The following ROBO2 variants were observed in gnomAD, a reference collection of about 807,000 sequenced individuals.
ROBO2 encodes the protein roundabout homolog 2.
Under a neutral mutation model 160.8 loss-of-function variants are expected in ROBO2, and 53 were observed. The observed-to-expected ratio is 0.33, with a 90% confidence interval of 0.26 to 0.41. The LOEUF (loss-of-function observed/expected upper bound fraction) is 0.41, where lower values mean the gene tolerates loss of function less well. Among genes scored for constraint, ROBO2 ranks in the 10% least tolerant of loss-of-function variants. The pLI is 1.00. For synonymous variants in ROBO2, 664 were observed against 611.7 expected (o/e 1.09, Z -1.26); for missense variants, 1,577 against 1,722.4 (o/e 0.92, Z 1.49).
chr3:77,529,209 T>C lies in ROBO2; in HGVS notation c.934+6307T>C, dbSNP rs1582733929. The stretch of plus-strand genomic sequence containing the variant: ...TATAGATTATATATAAAATAAAATA[T>C]ATGAAGTGGAAAGATTGAGAACGAT... On this transcript the variant is annotated intron_variant, in intron 6 of 25. Transcript: ENST00000461745. Among the ~76,000 whole-genome samples the C allele has an allele frequency of 2.6e-5, 4 of 151,226 alleles. No individual in the cohort carries two copies. The East Asian group carries it at 7.8e-4, about 29-fold the overall frequency.
intron 2 of ROBO2, among the ~76,000 whole-genome samples, chr3:77,104,593 C>CT (rs2072526827): frequency 6.6e-6 from 1 of 151,968 alleles, no homozygotes; most frequent in South Asian, 2.1e-4. Flanking sequence ...AAGTTTATGC[C>CT]TAAGAGTAGA....
chr3:75,914,821 TCTC>T (rs1424567085), intron 1 of ROBO2, among the ~76,000 whole-genome samples: 1 of 152,144 alleles, frequency 6.6e-6, no homozygotes. Context: ...GGAAGCCTCT[TCTC>T]CTCCAGCCAT....
intron 2 of ROBO2, among the ~76,000 whole-genome samples, chr3:76,312,767 A>G (rs1385088040): frequency 6.6e-6 from 1 of 152,172 alleles, no homozygotes; most frequent in African/African-American, 2.4e-5. Flanking sequence ...TAGCATGTCA[A>G]AGTTTAATTT....
chr3:77,243,817 T>C (rs1268045357), intron 2 of ROBO2, among the ~76,000 whole-genome samples: 1 of 152,206 alleles, frequency 6.6e-6, no homozygotes, highest in Non-Finnish European at 1.5e-5. Context: ...TTAAAAGCAC[T>C]TTAGATACTA....
At chr3:77,376,186 A>G (rs2072635350) in intron 2 of ROBO2, among the ~76,000 whole-genome samples, 1 of 118,976 alleles carries the variant, frequency 8.4e-6, no homozygotes, top group Non-Finnish European at 1.6e-5. Context: ...ACAGAGTCTC[A>G]TTCTGTCACC....
chr3:76,589,866 T>C (rs2086302302), intron 2 of ROBO2, among the ~76,000 whole-genome samples: 1 of 152,122 alleles, frequency 6.6e-6, no homozygotes, highest in Non-Finnish European at 1.5e-5. Context: ...ACAACCCACA[T>C]CTACAAGTTT....
intron 1 of ROBO2, among the ~76,000 whole-genome samples, chr3:77,050,211 C>A (rs893365797): frequency 1.3e-5 from 2 of 152,062 alleles, no homozygotes; most frequent in African/African-American, 4.8e-5. Context: ...TAATACGTTG[C>A]CAGATAACAG....
chr3:77,071,697 CTT>C (rs1180611179), intron 1 of ROBO2, among the ~76,000 whole-genome samples: 2 of 151,726 alleles, frequency 1.3e-5, no homozygotes, highest in African/African-American at 2.4e-5. Flanking sequence ...CCACTGCTGT[CTT>C]TGCTGTTCCA....
chr3:77,621,992 TC>T (rs1184035930), intron 22 of ROBO2, among the ~76,000 whole-genome samples: 2 of 152,150 alleles, frequency 1.3e-5, no homozygotes, highest in Non-Finnish European at 2.9e-5. Flanking sequence ...TTTTTTTTTC[TC>T]CGTGTGTTAT....
intron 2 of ROBO2, among the ~76,000 whole-genome samples, chr3:76,538,057 C>G (rs543253579): frequency 6.9e-4 from 105 of 151,970 alleles, no homozygotes; most frequent in African/African-American, 2.1e-3. Flanking sequence ...TTCGGCTGCT[C>G]CAGATTTCGT....
chr3:77,429,556 A>G (rs2078559579), intron 2 of ROBO2, among the ~76,000 whole-genome samples: 1 of 151,542 alleles, frequency 6.6e-6, no homozygotes, highest in East Asian at 1.9e-4. Flanking sequence ...ATGTCCATGG[A>G]TCTTTGGGTT....
intron 2 of ROBO2, chr3:76,434,127 G>C: frequency 8.1e-7 from 1 of 1,228,414 alleles, no homozygotes. Flanking sequence ...AGCTCCATAT[G>C]TGCAAGCATT....
chr3:76,439,912 C>T (rs528221614), intron 2 of ROBO2, among the ~76,000 whole-genome samples: 10 of 152,208 alleles, frequency 6.6e-5, no homozygotes, highest in African/African-American at 2.2e-4. Context: ...TCTTGCCTTC[C>T]GGTATCCATG....
intron 2 of ROBO2, among the ~76,000 whole-genome samples, chr3:77,251,337 G>T (rs540702235): frequency 6.6e-6 from 1 of 152,084 alleles, no homozygotes; most frequent in Admixed American, 6.5e-5. Context: ...ACCTGGACTC[G>T]CTTGAATTAC....
At chr3:77,263,581 A>G (rs1303543815) in intron 2 of ROBO2, among the ~76,000 whole-genome samples, 6 of 152,196 alleles carry the variant, frequency 3.9e-5, no homozygotes, top group African/African-American at 1.4e-4. Flanking sequence ...CAAAGGATAT[A>G]ATCGCGTTCT....
At chr3:77,473,119 C>A (rs912737269) in intron 2 of ROBO2, among the ~76,000 whole-genome samples, 1 of 151,964 alleles carries the variant, frequency 6.6e-6, no homozygotes, top group Non-Finnish European at 1.5e-5. Flanking sequence ...CTTGAGGATG[C>A]GGTGTCTGAT....
At chr3:76,783,691 C>T (rs921534660) in intron 2 of ROBO2, among the ~76,000 whole-genome samples, 6 of 150,448 alleles carry the variant, frequency 4.0e-5, no homozygotes, top group African/African-American at 7.3e-5. Flanking sequence ...TAGAATGTCT[C>T]GATAAAAGCC....
chr3:76,869,596 G>T (rs1166973), intron 2 of ROBO2, among the ~76,000 whole-genome samples: 4 of 151,746 alleles, frequency 2.6e-5, no homozygotes, highest in African/African-American at 9.7e-5. Flanking sequence ...TGATCCGCCC[G>T]CCTCGGCCTC....
At chr3:76,753,755 C>T (rs540297895) in intron 2 of ROBO2, among the ~76,000 whole-genome samples, 1 of 151,752 alleles carries the variant, frequency 6.6e-6, no homozygotes, top group Non-Finnish European at 1.5e-5. Context: ...TTAAAATTTC[C>T]CCTGTCTCAA....
Sources: gnomAD v4.1 joint callset for allele counts (sites outside exome capture counted in the v4.1 genomes callset) on GRCh38, gnomAD v4.1.1 for gene constraint, MANE v1.5 for transcripts, NCBI Gene and HGNC (gene_info 2026-07-23, HGNC 2026-07-21) for gene names.